DGKB: variants seen among roughly 807,000 people sequenced by gnomAD.
The protein encoded by DGKB is diacylglycerol kinase beta, also known as 90 kDa diacylglycerol kinase.
Under a neutral mutation model 114.3 loss-of-function variants are expected in DGKB, and 67 were observed. The ratio of observed to expected loss-of-function variants is 0.59; its 90% CI spans 0.48 to 0.72. DGKB has a LOEUF of 0.72. Among genes scored for constraint, DGKB ranks in the 30% least tolerant of loss-of-function variants. The probability of loss-of-function intolerance (pLI) is 0.00; values close to 1 mark genes in which losing one functional copy is unlikely to be tolerated. For missense variants in DGKB, 907 were observed against 975.2 expected, an observed-to-expected ratio of 0.93 and a Z score of 0.93; for synonymous variants, 398 against 323.1, an observed-to-expected ratio of 1.23 and a Z score of -2.49.
At chr7:14,603,298 T>C (rs2128769285) in intron 17 of DGKB, among the ~76,000 whole-genome samples, 1 of 152,246 alleles carries the variant, frequency 6.6e-6, no homozygotes. Flanking sequence ...GTTGAGTGCT[T>C]CACTTTTATA....
chr7:14,695,610 C>T (rs1472498297), intron 8 of DGKB, among the ~76,000 whole-genome samples: 1 of 150,566 alleles, frequency 6.6e-6, no homozygotes, highest in Non-Finnish European at 1.5e-5. Flanking sequence ...CGCCATTCTC[C>T]TGCCTCAGCC....
intron 6 of DGKB, among the ~76,000 whole-genome samples, chr7:14,710,496 C>G (rs1827180700): frequency 2.0e-5 from 3 of 151,924 alleles, no homozygotes; most frequent in African/African-American, 7.3e-5. Context: ...TTTTTCTTGC[C>G]TTATTGCCAT....
chr7:14,339,888 G>T (rs1448153150), intron 22 of DGKB, among the ~76,000 whole-genome samples: 2 of 151,734 alleles, frequency 1.3e-5, no homozygotes, highest in Non-Finnish European at 2.9e-5. Context: ...CATTTCTCAT[G>T]GCAGTCATGA....
chr7:14,150,906 G>T (rs1277535815), intron 25 of DGKB, among the ~76,000 whole-genome samples: 1 of 152,008 alleles, frequency 6.6e-6, no homozygotes, highest in Non-Finnish European at 1.5e-5. Flanking sequence ...TTCAGATACT[G>T]TATCAGGAAC....
At chr7:14,949,357 G>A (rs566547800) in intron 1 of DGKB, among the ~76,000 whole-genome samples, 12 of 151,922 alleles carry the variant, frequency 7.9e-5, no homozygotes, top group African/African-American at 2.4e-4. Flanking sequence ...TTGGAAAACC[G>A]CTTCTAACTG....
chr7:14,270,834 G>C (rs903532887), intron 23 of DGKB, among the ~76,000 whole-genome samples: 9 of 152,270 alleles, frequency 5.9e-5, no homozygotes, highest in African/African-American at 1.9e-4. Context: ...CTTTCTGTAG[G>C]GGGGTGGGGT....
intron 4 of DGKB, among the ~76,000 whole-genome samples, chr7:14,747,775 G>GCGCGCGCGCGTGCGCACACACA: frequency 1.3e-5 from 2 of 149,178 alleles, no homozygotes; most frequent in East Asian, 4.0e-4. Flanking sequence ...ACATCCACGC[G>GCGCGCGCGCGTGCGCACACACA]CACGCACACA....
intron 20 of DGKB, among the ~76,000 whole-genome samples, chr7:14,482,651 A>G (rs1023178560): frequency 2.0e-5 from 3 of 152,068 alleles, no homozygotes; most frequent in African/African-American, 7.2e-5. Context: ...TGGGTTTTCA[A>G]AGCTTTGTTA....
intron 5 of DGKB, among the ~76,000 whole-genome samples, chr7:14,732,495 T>C (rs1831070441): frequency 6.6e-6 from 1 of 152,112 alleles, no homozygotes. Flanking sequence ...GCCTTGAAAA[T>C]TTTATTGTTG....
intron 23 of DGKB, among the ~76,000 whole-genome samples, chr7:14,244,701 CTTTGGGAGTTGAT>C (rs1322481695): frequency 6.8e-6 from 1 of 147,032 alleles, no homozygotes; most frequent in East Asian, 2.0e-4. Flanking sequence ...AAAGGGGTGC[CTTTGGGAGTTGAT>C]TAGGTCATGA....
chr7:14,316,601 G>T lies in DGKB; in HGVS notation c.2122+21914C>A, dbSNP rs1359290449. ...TAAACCAGGAAGAAGTTGAATCTCT[G>T]AATAGACCAATAACAGGATCTGAAA... On this transcript the variant is annotated intron_variant, in intron 23 of 25. Coordinates refer to ENST00000402815, the MANE Select transcript of DGKB (RefSeq NM_001350709.2). 3.9e-5 allele frequency among the ~76,000 whole-genome samples: 5 copies of T among 126,824 alleles called. No individual in the cohort carries two copies. In the Admixed American group the frequency reaches 4.1e-4, roughly 10 times the overall value. The allele number at this position is 126,824 out of a possible 152,430, so 83.2% of individuals were successfully genotyped here. A position where few individuals can be genotyped will look rare whatever the true frequency, so the allele number is the denominator to read the frequency against.
intron 2 of DGKB, among the ~76,000 whole-genome samples, chr7:14,776,757 AG>A (rs1028848748): frequency 2.6e-5 from 4 of 152,242 alleles, no homozygotes; most frequent in African/African-American, 9.6e-5. Context: ...GCAGTGGAGA[AG>A]GGAAAAGTGG....
At chr7:14,179,457 T>A (rs1294473898) in intron 23 of DGKB, among the ~76,000 whole-genome samples, 2 of 152,198 alleles carry the variant, frequency 1.3e-5, no homozygotes, top group Admixed American at 1.3e-4. Context: ...GCATGATTAT[T>A]ATACAAGAAA....
At chr7:14,811,992 T>C (rs10277367) in intron 2 of DGKB, among the ~76,000 whole-genome samples, 62,746 of 151,824 alleles carry the variant, frequency 0.41, 14,750 homozygotes, top group African/African-American at 0.64. Flanking sequence ...CTACCTGTGT[T>C]TCTGCGAATT....
At chr7:14,734,909 G>A (rs1831481297) in intron 5 of DGKB, among the ~76,000 whole-genome samples, 1 of 152,082 alleles carries the variant, frequency 6.6e-6, no homozygotes, top group Non-Finnish European at 1.5e-5. Context: ...TCTATCCATA[G>A]AGGGCGCTAG....
intron 20 of DGKB, among the ~76,000 whole-genome samples, chr7:14,532,241 G>T (rs1239893795): frequency 8.6e-6 from 1 of 116,506 alleles, no homozygotes; most frequent in Non-Finnish European, 1.8e-5. Flanking sequence ...AATGTCATGA[G>T]ACCTACAAAA....
chr7:14,371,259 G>C (rs1168564723), intron 21 of DGKB, among the ~76,000 whole-genome samples: 1 of 152,144 alleles, frequency 6.6e-6, no homozygotes, highest in Non-Finnish European at 1.5e-5. Flanking sequence ...TTTCCACAGT[G>C]GATGAACTAA....
At chr7:14,952,941 G>GA (rs1786288022) in intron 1 of DGKB, among the ~76,000 whole-genome samples, 2 of 151,878 alleles carry the variant, frequency 1.3e-5, no homozygotes, top group South Asian at 4.2e-4. Flanking sequence ...CAACAACAGT[G>GA]AAAAAACAAT....
chr7:14,580,795 C>A, intron 19 of DGKB, 67 bp downstream of exon 19: 2 of 1,109,042 alleles, frequency 1.8e-6, no homozygotes, highest in Non-Finnish European at 2.6e-6. Flanking sequence ...CTTTTCTTTT[C>A]TTTTTGTTTT....
Sources: allele counts gnomAD v4.1 joint callset (sites outside exome capture counted in the v4.1 genomes callset), GRCh38; gene constraint gnomAD v4.1.1; transcripts MANE v1.5; gene names NCBI Gene and HGNC (gene_info 2026-07-23, HGNC 2026-07-21).